ADAM11: variants seen among roughly 807,000 people sequenced by gnomAD.
The protein encoded by ADAM11 is ADAM metallopeptidase domain 11.
Under a neutral mutation model 119.1 loss-of-function variants are expected in ADAM11, and 49 were observed. The observed-to-expected ratio is 0.41, with a 90% CI of 0.33 to 0.52. The LOEUF is 0.52. Ranked by LOEUF, ADAM11 falls within the 20% of genes least tolerant of loss-of-function variation. The probability of loss-of-function intolerance (pLI) is 0.20; values close to 1 mark genes in which losing one functional copy is unlikely to be tolerated. For synonymous variants in ADAM11, 364 were observed against 408.0 expected (o/e 0.89, Z 1.30); for missense variants, 777 against 1,047.5 (o/e 0.74, Z 3.56).
Position 44,775,127 on chromosome 17 carries a change from C to T in ADAM11, c.1221-85C>T. The T allele has an allele frequency of 8.6e-7, 1 of 1,167,050 alleles. No homozygotes were observed. The highest frequency in any genetic ancestry group is 1.3e-6 in the Non-Finnish European group (1 of 792,948). 72.3% of individuals were successfully genotyped at this position (1,167,050 alleles called of 1,614,324 possible). ...CTCCTCGCGATGGTGACGAAGTCCCCCAGTGTACCCCCTCCCCAGCCTTGA... is the reference window on the plus strand; with the variant it reads ...CTCCTCGCGATGGTGACGAAGTCCCTCAGTGTACCCCCTCCCCAGCCTTGA... On this transcript the variant is annotated intron_variant, in intron 14 of 26. Coordinates refer to ENST00000200557, the MANE Select transcript of ADAM11 (RefSeq NM_002390.6). The surrounding 1 kb of genome is among the most constrained non-coding windows in gnomAD (Gnocchi z 7.5).
intron 4 of ADAM11, among the ~76,000 whole-genome samples, chr17:44,770,489 C>CACCA (rs374602079): frequency 5.4e-4 from 9 of 16,776 alleles, no homozygotes; most frequent in African/African-American, 1.3e-3. Context: ...TAGCCTGTCT[C>CACCA]CCCCCCCCCC....
chr17:44,763,625 C>G (rs935061766), intron 2 of ADAM11, among the ~76,000 whole-genome samples: 1 of 152,200 alleles, frequency 6.6e-6, no homozygotes, highest in Admixed American at 6.5e-5. Flanking sequence ...GTTCACTCCA[C>G]TAGGGTGACT....
intron 2 of ADAM11, among the ~76,000 whole-genome samples, chr17:44,765,610 CTTTTTTT>C (rs748123040): frequency 4.6e-4 from 46 of 99,868 alleles, no homozygotes; most frequent in South Asian, 9.9e-4. Context: ...TTTCTTTTCT[CTTTTTTT>C]TTTTTTTTTT....
intron 26 of ADAM11, 120 bp from the exon 27 acceptor site, chr17:44,779,619 G>A: frequency 2.0e-6 from 3 of 1,492,684 alleles, no homozygotes; most frequent in Non-Finnish European, 2.7e-6. Flanking sequence ...TCCCTTCCCT[G>A]GCCAGCCTGT....
In ADAM11 at chr17:44,779,229, C is replaced by G. The variant is rs2049656030; in HGVS notation, c.2284C>G (p.Arg762Gly). The change falls in exon 26 of 27, where the codon CGC becomes GGC. Residue 762 changes from arginine (R) to glycine (G), a missense_variant. Arg to Gly is a moderately radical substitution (Grantham distance 125). Transcript: ENST00000200557. ...ACCATCCTCCCCCTGCAGAAACATT[C>G]GCCGAGGAAGGTACGACCCGACCCA... ...GGTGWGFKNIRRGRSGGA is the reference protein window; with the variant it reads ...GGTGWGFKNIGRGRSGGA 6 of 1,585,366 alleles carry G rather than the reference C, an allele frequency of 3.8e-6. No individual in the cohort carries two copies. Among genetic ancestry groups the G allele is most frequent in the Non-Finnish European group, 5.1e-6 (6 of 1,168,912 alleles).
intron 2 of ADAM11, among the ~76,000 whole-genome samples, chr17:44,762,237 C>T: frequency 6.6e-6 from 1 of 152,168 alleles, no homozygotes; most frequent in East Asian, 1.9e-4. Flanking sequence ...GAGTTTTCTC[C>T]ACACCAGGGC....
chr17:44,771,573 T>C lies in ADAM11; in HGVS notation c.382-11T>C. 1 of 1,610,930 alleles carries C rather than the reference T, an allele frequency of 6.2e-7. No individual in the cohort carries two copies. The highest frequency in any genetic ancestry group is 8.5e-7 in the Non-Finnish European group (1 of 1,179,432). ...CATGCCAGCGTTCTGCTCACTGTTC[T>C]GCTCCTTCAGGGGGCTGGAGACCAC... On this transcript the variant is annotated splice_polypyrimidine_tract_variant and intron_variant, in intron 4 of 26. Coordinates refer to ENST00000200557, the MANE Select transcript of ADAM11 (RefSeq NM_002390.6).
Position 44,774,397 on chromosome 17 carries a change from A to G in ADAM11, c.1077+18A>G. The stretch of plus-strand genomic sequence containing the variant: ...TGAACGAGGTGAGCAGTGGGGGGAC[A>G]TGGCTGGGGTGGCGGCTGAGGGAAA... On this transcript the variant is annotated intron_variant, in intron 12 of 26. Coordinates refer to ENST00000200557, the MANE Select transcript of ADAM11 (RefSeq NM_002390.6). 2.0e-6 allele frequency: 3 copies of G among 1,519,370 alleles called. No homozygotes were observed. Among genetic ancestry groups the G allele is most frequent in the Non-Finnish European group, 2.7e-6 (3 of 1,126,098 alleles). The allele number at this position is 1,519,370 out of a possible 1,614,324, so 94.1% of individuals were successfully genotyped here. A position where few individuals can be genotyped will look rare whatever the true frequency, so the allele number is the denominator to read the frequency against.
rs1013895185 is a variant in ADAM11 at position 44,771,780 on chromosome 17, G to C, written c.492G>C (p.Leu164Phe). Residue 164 changes from leucine (L) to phenylalanine (F), a missense_variant, in exon 6 of 27, where the codon TTG (leucine) becomes TTC (phenylalanine). Coordinates refer to ENST00000200557, the MANE Select transcript of ADAM11 (RefSeq NM_002390.6). ...GTGGGGTCTTCTCTGATGGGAACTT[G>C]ACTTACATCGTGGAGCCCCAAGAGG... ...GLHGVFSDGNLTYIVEPQEVA... is the reference protein window; with the variant it reads ...GLHGVFSDGNFTYIVEPQEVA... 1.4e-5 allele frequency: 23 copies of C among 1,613,564 alleles called. No individual in the cohort carries two copies. The highest frequency in any genetic ancestry group is 8.3e-5 in the Admixed American group (5 of 59,968).
Position 44,777,049 on chromosome 17 carries a change from C to G in ADAM11, c.1681+87C>G. The G allele has an allele frequency of 6.4e-7, 1 of 1,555,212 alleles. No homozygotes were observed. Among genetic ancestry groups the G allele is most frequent in the Non-Finnish European group, 8.7e-7 (1 of 1,143,622 alleles). On this transcript the variant is annotated intron_variant, in intron 20 of 26. Transcript: ENST00000200557. This position sits in a 1 kb window ranked among gnomAD's most constrained non-coding sequence, Gnocchi z 5.1. ...GAGTGGGTTCCAGCTGAACAGGCCC[C>G]CAAGTGTGTAGCTCCCCAGGATCTC...
Position 44,777,418 on chromosome 17 carries a change from T to A in ADAM11, c.1782-64T>A, listed in dbSNP as rs933114518. The A allele has an allele frequency of 3.8e-6, 6 of 1,578,126 alleles. No individual in the cohort carries two copies. The highest frequency in any genetic ancestry group is 1.3e-5 in the African/African-American group (1 of 74,138). The stretch of plus-strand genomic sequence containing the variant: ...TGGCAGGGTGCAGGGTGAGGGCAGA[T>A]TAGAGTTCAGTAGTTGAGTCTGAGG... On this transcript the variant is annotated intron_variant, in intron 21 of 26. Coordinates refer to ENST00000200557, the MANE Select transcript of ADAM11 (RefSeq NM_002390.6). The surrounding 1 kb of genome is among the most constrained non-coding windows in gnomAD (Gnocchi z 5.1).
At position 44,772,369 on chromosome 17, in the gene ADAM11, T is replaced by C; in HGVS notation, c.611-30T>C. 1 of 1,579,716 alleles carries C rather than the reference T, an allele frequency of 6.3e-7. No homozygotes were observed. Among genetic ancestry groups the C allele is most frequent in the South Asian group, 1.1e-5 (1 of 87,126 alleles). ...GAAGGGGGGGTGGGGAGGGGCCGGC[T>C]GTGCCCCCCTCACCTGCCCCTCCCC... On this transcript the variant is annotated intron_variant, in intron 7 of 26. Transcript: ENST00000200557. This position sits in a 1 kb window ranked among gnomAD's most constrained non-coding sequence, Gnocchi z 4.5.
At position 44,759,950 on chromosome 17, in the gene ADAM11, A is replaced by G. The variant is rs538165528; in HGVS notation, c.237+53A>G. 6.4e-6 allele frequency: 8 copies of G among 1,249,470 alleles called. No homozygotes were observed. In the African/African-American group the frequency reaches 7.7e-5, roughly 12 times the overall value. 77.4% of individuals were successfully genotyped at this position (1,249,470 alleles called of 1,614,324 possible). On this transcript the variant is annotated intron_variant, in intron 2 of 26. Transcript: ENST00000200557. The stretch of plus-strand genomic sequence containing the variant: ...GGGCTGAAGCAGGCCTCAGAGCCCC[A>G]GGAAGCCCACGGGGTAACCAGGGTT...
At chr17:44,769,426 C>A (rs1334394899) in intron 2 of ADAM11, among the ~76,000 whole-genome samples, 4 of 152,228 alleles carry the variant, frequency 2.6e-5, no homozygotes, top group African/African-American at 9.6e-5. Flanking sequence ...CCTCTCCATC[C>A]CAGCTGCACC....
rs577744545 is a variant in ADAM11 at position 44,772,529 on chromosome 17, G to C, written c.678+63G>C. 1 of 1,528,644 alleles carries C rather than the reference G, an allele frequency of 6.5e-7. No homozygotes were observed. The highest frequency in any genetic ancestry group is 8.8e-7 in the Non-Finnish European group (1 of 1,131,272). The allele number at this position is 1,528,644 out of a possible 1,614,324, so 94.7% of individuals were successfully genotyped here. A position where few individuals can be genotyped will look rare whatever the true frequency, so the allele number is the denominator to read the frequency against. ...TCGGGCTGCAGAGAGACCTCAGGCC[G>C]TGGCCCAGAGCAGGAGGGCACCCTC... is the stretch of plus-strand genomic sequence containing the variant. On this transcript the variant is annotated intron_variant, in intron 8 of 26. Transcript: ENST00000200557. The surrounding 1 kb of genome is among the most constrained non-coding windows in gnomAD (Gnocchi z 4.5).
chr17:44,765,277 C>A (rs1476532330), intron 2 of ADAM11, among the ~76,000 whole-genome samples: 1 of 152,100 alleles, frequency 6.6e-6, no homozygotes, highest in Non-Finnish European at 1.5e-5. Flanking sequence ...GGAGCTCCTG[C>A]CTCTCTGGCT....
intron 2 of ADAM11, among the ~76,000 whole-genome samples, chr17:44,766,520 A>G (rs1054031872): frequency 6.6e-6 from 1 of 152,118 alleles, no homozygotes; most frequent in African/African-American, 2.4e-5. Context: ...CCTCGGGTGG[A>G]AGGGGTGGTC....
chr17:44,761,080 G>A (rs1373767726), intron 2 of ADAM11, among the ~76,000 whole-genome samples: 2 of 152,104 alleles, frequency 1.3e-5, no homozygotes, highest in Non-Finnish European at 2.9e-5. Context: ...CTCCCTGGGA[G>A]GTGTGCAGTC....
rs1257317865 is a variant in ADAM11, at chr17:44,775,315, C to G, written c.1320+4C>G. 3.1e-6 allele frequency: 5 copies of G among 1,613,642 alleles called. No homozygotes were observed. Among genetic ancestry groups the G allele is most frequent in the African/African-American group, 2.7e-5 (2 of 74,938 alleles). On this transcript the variant is annotated splice_donor_region_variant and intron_variant, in intron 15 of 26. Coordinates refer to ENST00000200557, the MANE Select transcript of ADAM11 (RefSeq NM_002390.6). This position sits in a 1 kb window ranked among gnomAD's most constrained non-coding sequence, Gnocchi z 7.5. Reference sequence around the variant, plus strand: ...CCTCTTCAACAAGCCCCTCAAGGTACCAGCCCCGCGGCGGGGAGCATGGGA... The same window carrying G: ...CCTCTTCAACAAGCCCCTCAAGGTAGCAGCCCCGCGGCGGGGAGCATGGGA...
Sources: allele counts gnomAD v4.1 joint callset (sites outside exome capture counted in the v4.1 genomes callset), GRCh38; gene constraint gnomAD v4.1.1; non-coding constraint Gnocchi (gnomAD v3.1); transcripts MANE v1.5; gene names NCBI Gene and HGNC (gene_info 2026-07-23, HGNC 2026-07-21).